The following KCNIP4 variants were observed in gnomAD, a reference collection of about 807,000 sequenced individuals.
The protein encoded by KCNIP4 is potassium voltage-gated channel interacting protein 4.
KCNIP4 carries 12 observed loss-of-function variants against 34.0 expected under a neutral mutation model. The ratio of observed to expected loss-of-function variants is 0.35; its 90% confidence interval spans 0.23 to 0.57. The LOEUF is 0.57. Among genes scored for constraint, KCNIP4 ranks in the 20% least tolerant of loss-of-function variants. KCNIP4 has a pLI of 0.83. For missense variants in KCNIP4, 238 were observed against 311.7 expected (o/e 0.76, Z 1.78); for synonymous variants, 124 against 102.2 (o/e 1.21, Z -1.29).
intron 1 of KCNIP4, among the ~76,000 whole-genome samples, chr4:21,463,230 C>T (rs114529010): frequency 7.0e-4 from 106 of 152,136 alleles, no homozygotes; most frequent in African/African-American, 2.4e-3. Flanking sequence ...AAGGTAATAC[C>T]TCATTGTGTT....
intron 1 of KCNIP4, among the ~76,000 whole-genome samples, chr4:21,227,844 G>A (rs1214676720): frequency 6.6e-6 from 1 of 152,142 alleles, no homozygotes; most frequent in Admixed American, 6.6e-5. Context: ...CATACTCCTG[G>A]AGGAGCGGAC....
intron 1 of KCNIP4, among the ~76,000 whole-genome samples, chr4:21,405,763 T>C (rs1723927598): frequency 6.6e-6 from 1 of 152,246 alleles, no homozygotes; most frequent in South Asian, 2.1e-4. Context: ...TGGGGCAGTC[T>C]GAGGTTGCTC....
chr4:20,849,723 G>A (rs867602038), intron 3 of KCNIP4, among the ~76,000 whole-genome samples: 1 of 152,154 alleles, frequency 6.6e-6, no homozygotes, highest in Non-Finnish European at 1.5e-5. Context: ...CAAACTATAT[G>A]TTGGGATGTG....
At chr4:21,251,999 C>T (rs1019334295) in intron 1 of KCNIP4, among the ~76,000 whole-genome samples, 1 of 149,692 alleles carries the variant, frequency 6.7e-6, no homozygotes, top group Non-Finnish European at 1.5e-5. Context: ...TACCCTAAAA[C>T]TTAAAGTATA....
chr4:20,761,710 T>C (rs1754977315), intron 3 of KCNIP4, among the ~76,000 whole-genome samples: 1 of 152,182 alleles, frequency 6.6e-6, no homozygotes, highest in South Asian at 2.1e-4. Context: ...TCTAGATATA[T>C]TTGATAGATA....
At chr4:21,200,313 T>TACATATATGTGTGTATATATATATACAC (rs1560803209) in intron 1 of KCNIP4, among the ~76,000 whole-genome samples, 10 of 135,198 alleles carry the variant, frequency 7.4e-5, no homozygotes, top group African/African-American at 2.3e-4. Context: ...TATATATACA[T>TACATATATGTGTGTATATATATATACAC]ACATATATGT....
chr4:21,527,564 A>G (rs1279113686), intron 1 of KCNIP4, among the ~76,000 whole-genome samples: 1 of 152,176 alleles, frequency 6.6e-6, no homozygotes, highest in Non-Finnish European at 1.5e-5. Flanking sequence ...TATAAATGTG[A>G]AATAAATGAT....
intron 6 of KCNIP4, among the ~76,000 whole-genome samples, chr4:20,734,285 A>G (rs1578423073): frequency 6.6e-6 from 1 of 152,130 alleles, no homozygotes; most frequent in Admixed American, 6.5e-5. Flanking sequence ...TATGGATCAC[A>G]TGCTGTGGGG....
At chr4:21,304,344 G>A (rs1434676926) in intron 1 of KCNIP4, among the ~76,000 whole-genome samples, 4 of 152,178 alleles carry the variant, frequency 2.6e-5, no homozygotes, top group Non-Finnish European at 5.9e-5. Flanking sequence ...CGAGGACCCA[G>A]GAGGTCACCA....
chr4:21,223,931 G>A (rs994758400), intron 1 of KCNIP4, among the ~76,000 whole-genome samples: 1 of 151,980 alleles, frequency 6.6e-6, no homozygotes, highest in Non-Finnish European at 1.5e-5. Flanking sequence ...TGGAGGTCAC[G>A]GTTGACCCTA....
intron 1 of KCNIP4, among the ~76,000 whole-genome samples, chr4:21,279,959 C>A (rs1578011624): frequency 6.6e-6 from 1 of 152,094 alleles, no homozygotes; most frequent in Admixed American, 6.6e-5. Context: ...GCAAATTGAA[C>A]TATTAGGGAT....
At chr4:20,974,669 G>A (rs1369577638) in intron 1 of KCNIP4, among the ~76,000 whole-genome samples, 1 of 152,096 alleles carries the variant, frequency 6.6e-6, no homozygotes, top group Non-Finnish European at 1.5e-5. Context: ...AATAGGATTG[G>A]TCAGTCTTTC....
chr4:21,819,949 A>T (rs1031090124), intron 1 of KCNIP4, among the ~76,000 whole-genome samples: 1 of 152,104 alleles, frequency 6.6e-6, no homozygotes, highest in Non-Finnish European at 1.5e-5. Context: ...GGCTTAAAAT[A>T]CTGGAGCAAT....
At chr4:21,037,372 C>G (rs1741544889) in intron 1 of KCNIP4, among the ~76,000 whole-genome samples, 1 of 152,194 alleles carries the variant, frequency 6.6e-6, no homozygotes, top group Non-Finnish European at 1.5e-5. Context: ...CTGCATAGGT[C>G]TACCATTTCT....
intron 1 of KCNIP4, among the ~76,000 whole-genome samples, chr4:21,443,014 T>C (rs1727622909): frequency 6.6e-6 from 1 of 152,192 alleles, no homozygotes; most frequent in African/African-American, 2.4e-5. Flanking sequence ...TTAGGCCACA[T>C]TTTCTTCTTT....
intron 1 of KCNIP4, among the ~76,000 whole-genome samples, chr4:21,425,946 C>T (rs115730984): frequency 4.5e-4 from 69 of 152,022 alleles, no homozygotes; most frequent in African/African-American, 1.5e-3. Context: ...CCCAGGTACT[C>T]GAGAGGCTGA....
At chr4:21,206,393 C>T (rs914376865) in intron 1 of KCNIP4, among the ~76,000 whole-genome samples, 1 of 152,174 alleles carries the variant, frequency 6.6e-6, no homozygotes, top group African/African-American at 2.4e-5. Flanking sequence ...ATCTCTGAGA[C>T]ACTTTTGTTT....
intron 1 of KCNIP4, among the ~76,000 whole-genome samples, chr4:21,008,616 C>T (rs1246107587): frequency 2.0e-5 from 3 of 151,846 alleles, no homozygotes; most frequent in Non-Finnish European, 4.4e-5. Flanking sequence ...CTCCGCCTCC[C>T]GGGTTCACGC....
intron 1 of KCNIP4, among the ~76,000 whole-genome samples, chr4:20,970,222 T>C (rs1734796165): frequency 6.6e-6 from 1 of 152,140 alleles, no homozygotes; most frequent in Non-Finnish European, 1.5e-5. Flanking sequence ...ATTACAGGTG[T>C]GAGCCACCGC....
Sources: allele counts gnomAD v4.1 joint callset (sites outside exome capture counted in the v4.1 genomes callset), GRCh38; gene constraint gnomAD v4.1.1; transcripts MANE v1.5; gene names NCBI Gene and HGNC (gene_info 2026-07-23, HGNC 2026-07-21).